Variants in MAPK3 observed in about 807,000 individuals in gnomAD.
MAPK3 encodes mitogen-activated protein kinase 3, also known as MAPK 1.
In MAPK3, 30 loss-of-function variants were observed where a neutral mutation model predicts 41.8. That is an observed-to-expected ratio of 0.72 (90% CI 0.54 to 0.97). The LOEUF (loss-of-function observed/expected upper bound fraction) is 0.97, where lower values mean the gene tolerates loss of function less well. Among genes scored for constraint, MAPK3 ranks in the 50% least tolerant of loss-of-function variants. The pLI, the probability that MAPK3 is intolerant of heterozygous loss-of-function variation, is 0.00. For missense variants in MAPK3, 413 were observed against 509.9 expected (o/e 0.81, Z 1.83); for synonymous variants, 222 against 213.4 (o/e 1.04, Z -0.35).
Position 30,121,926 on chromosome 16 carries a change from C to G in MAPK3, c.251G>C (p.Arg84Pro). 6.2e-7 allele frequency: 1 copy of G among 1,614,124 alleles called. No homozygotes were observed. Among genetic ancestry groups the G allele is most frequent in the Non-Finnish European group, 8.5e-7 (1 of 1,180,014 alleles). Residue 84 changes from arginine to proline, a missense_variant, in exon 2 of 9, where the codon CGC becomes CCC. By Grantham distance (103) the Arg-to-Pro change is moderately radical. This residue lies in a region of MAPK3 where 145 missense variants were observed against 133.0 expected (regional missense o/e 1.09). Coordinates refer to ENST00000263025, the MANE Select transcript of MAPK3 (RefSeq NM_002746.3). ...SPFEHQTYCQ[R>P]TLREIQILLR... is the part of the protein sequence containing the mutation. ...CAGGATCTGGATCTCCCGGAGCGTGCGCTGGCAGTAGGTCTGATGTTCGAA... is the reference window on the plus strand; with the variant it reads ...CAGGATCTGGATCTCCCGGAGCGTGGGCTGGCAGTAGGTCTGATGTTCGAA...
rs1388847305 is a variant in MAPK3, at chr16:30,117,259, C to T, written c.802G>A (p.Asp268Asn). The change falls in exon 6 of 9, where the codon GAC (aspartate) becomes AAC (asparagine). Residue 268 changes from aspartate (D) to asparagine (N), a missense_variant. By Grantham distance (23) the Asp-to-Asn change is conservative (BLOSUM62 1). Coordinates refer to ENST00000263025, the MANE Select transcript of MAPK3 (RefSeq NM_002746.3). The stretch of plus-strand genomic sequence containing the variant: ...TTCATGTTGATGATACAATTCAGGT[C>T]CTCCTGGGATGGGGAGCCCAGGATG... Reference protein sequence around the residue: ...LGILGSPSQEDLNCIINMKAR... With the variant: ...LGILGSPSQENLNCIINMKAR... The T allele has an allele frequency of 3.1e-6, 5 of 1,613,920 alleles. No homozygotes were observed. The highest frequency in any genetic ancestry group is 4.2e-6 in the Non-Finnish European group (5 of 1,180,006).
intron 2 of MAPK3, among the ~76,000 whole-genome samples, chr16:30,119,703 C>G (rs1040234263): frequency 3.9e-5 from 6 of 152,180 alleles, no homozygotes. Context: ...GAGACACTCC[C>G]AACAGCACAC....
In MAPK3 at chr16:30,117,795, G is replaced by T; in HGVS notation, c.661-11C>A. 1.9e-6 allele frequency: 3 copies of T among 1,601,116 alleles called. No individual in the cohort carries two copies. Among genetic ancestry groups the T allele is most frequent in the Non-Finnish European group, 2.6e-6 (3 of 1,168,424 alleles). ...GGACTTGGTATAGCCCTGGGGGAGAGGAGGAAGTGGTGAGCTCCTGGGCCA... is the reference window on the plus strand; with the variant it reads ...GGACTTGGTATAGCCCTGGGGGAGATGAGGAAGTGGTGAGCTCCTGGGCCA... On this transcript the variant is annotated splice_polypyrimidine_tract_variant and intron_variant, in intron 4 of 8. Coordinates refer to ENST00000263025, the MANE Select transcript of MAPK3 (RefSeq NM_002746.3).
chr16:30,120,847 A>G (rs938342411), intron 2 of MAPK3, among the ~76,000 whole-genome samples: 3 of 151,000 alleles, frequency 2.0e-5, no homozygotes, highest in Non-Finnish European at 1.5e-5. Flanking sequence ...CCAAACCTGG[A>G]TAATTTTTAA....
At chr16:30,117,583 G>A (rs764301408) in intron 5 of MAPK3, 87 bp downstream of exon 5, 22 of 1,007,674 alleles carry the variant, frequency 2.2e-5, no homozygotes, top group South Asian at 6.6e-5. Context: ...CACCCCACAC[G>A]TGGTGGTATC....
At position 30,123,170 on chromosome 16, in the gene MAPK3, G is replaced by A; in HGVS notation, c.40C>T (p.Pro14Ser). ...GGGCCGACCCCCTCGGTTCTACGGG[G>A]CTCCCCGCCCCCGCCCCCCTGAGCC... ...AAAQGGGGGEPRRTEGVGPGV... is the reference protein window; with the variant it reads ...AAAQGGGGGESRRTEGVGPGV... The change falls in exon 1 of 9, where the codon CCC becomes TCC. Residue 14 changes from proline to serine, a missense_variant. By Grantham distance (74) the Pro-to-Ser change is moderately conservative (BLOSUM62 -1). Around this residue, in one of 4 missense-constraint regions of MAPK3, gnomAD observed 145 missense variants for 133.0 expected, o/e 1.09. Transcript: ENST00000263025. 2 of 1,411,186 alleles carry A rather than the reference G, an allele frequency of 1.4e-6. No individual in the cohort carries two copies. The highest frequency in any genetic ancestry group is 1.9e-6 in the Non-Finnish European group (2 of 1,058,464). The allele number at this position is 1,411,186 out of a possible 1,614,324, so 87.4% of individuals were successfully genotyped here. A position where few individuals can be genotyped will look rare whatever the true frequency, so the allele number is the denominator to read the frequency against.
At position 30,117,722 on chromosome 16, in the gene MAPK3, G is replaced by A. The variant is rs996840132; in HGVS notation, c.723C>T (p.Asn241=). The part of the protein sequence containing the change: ...VGCILAEMLS[N]RPIFPGKHYL... ...AGTGCTTGCCAGGGAAGATGGGCCGGTTAGAGAGCATCTCAGCCAGAATGC... is the reference window on the plus strand; with the variant it reads ...AGTGCTTGCCAGGGAAGATGGGCCGATTAGAGAGCATCTCAGCCAGAATGC... The change falls in exon 5 of 9, where the codon AAC becomes AAT. Residue 241 remains asparagine (N), a synonymous_variant. Coordinates refer to ENST00000263025, the MANE Select transcript of MAPK3 (RefSeq NM_002746.3). 1.9e-6 allele frequency: 3 copies of A among 1,614,022 alleles called. No individual in the cohort carries two copies. The highest frequency in any genetic ancestry group is 2.5e-6 in the Non-Finnish European group (3 of 1,180,002).
At position 30,116,912 on chromosome 16, in the gene MAPK3, G is replaced by A. The variant is rs935541816; in HGVS notation, c.999C>T (p.Tyr333=). The A allele has an allele frequency of 5.6e-6, 9 of 1,613,892 alleles. No individual in the cohort carries two copies. Among genetic ancestry groups the A allele is most frequent in the Non-Finnish European group, 7.6e-6 (9 of 1,179,968 alleles). The change falls in exon 7 of 9, where the codon TAC becomes TAT. Residue 333 remains tyrosine, a synonymous_variant. Transcript: ENST00000263025. ...EALAHPYLEQ[Y]YDPTDEPVAE... ...GGCCCACCTCATCCGTCGGGTCATA[G>A]TACTGCTCCAGGTAGGGGTGAGCCA...
Position 30,121,753 on chromosome 16 carries a change from A to G in MAPK3, c.353+71T>C, listed in dbSNP as rs902936537. On this transcript the variant is annotated intron_variant, in intron 2 of 8. Coordinates refer to ENST00000263025, the MANE Select transcript of MAPK3 (RefSeq NM_002746.3). ...GGTGGTGGGTAAGATGGAAACAGAA[A>G]CCAAGCAACGGGTCCCCAGCCCAGC... The G allele has an allele frequency of 3.3e-6, 5 of 1,494,626 alleles. No individual in the cohort carries two copies. In the South Asian group the frequency reaches 5.0e-5, roughly 15 times the overall value. 92.6% of individuals were successfully genotyped at this position (1,494,626 alleles called of 1,614,324 possible). A position where few individuals can be genotyped will look rare whatever the true frequency, so the allele number is the denominator to read the frequency against.
chr16:30,122,585 C>G (rs1314128728), intron 1 of MAPK3: 1 of 173,936 alleles, frequency 5.7e-6, no homozygotes, highest in Non-Finnish European at 1.3e-5. Flanking sequence ...GTGGTGGGGC[C>G]AAAGCCCTGC....
Position 30,118,029 on chromosome 16 carries a change from G to A in MAPK3, c.660+18C>T. ...GGGAACTGGTCCGTTCCTTTCAGGA[G>A]TGGGCAGCCCCTCCTACCTTGGAGT... is the stretch of plus-strand genomic sequence containing the variant. On this transcript the variant is annotated intron_variant, in intron 4 of 8. Transcript: ENST00000263025. The A allele has an allele frequency of 6.2e-7, 1 of 1,606,986 alleles. No homozygotes were observed.
chr16:30,122,499 CG>C, intron 1 of MAPK3: 1 of 190,572 alleles, frequency 5.2e-6, no homozygotes, highest in South Asian at 8.7e-5. Flanking sequence ...ACGGTGGGGC[CG>C]GGGGCACTCA....
At chr16:30,116,854 C>T in intron 7 of MAPK3, 40 bp downstream of exon 7, 1 of 1,613,406 alleles carries the variant, frequency 6.2e-7, no homozygotes, top group Non-Finnish European at 8.5e-7. Context: ...CCCCCCTGCT[C>T]CCCTGCCCCC....
At chr16:30,114,766 G>A (rs2072938516) in intron 8 of MAPK3, 58 bp from the exon 9 acceptor site, 1 of 152,300 alleles carries the variant, frequency 6.6e-6, no homozygotes, top group African/African-American at 2.4e-5. Context: ...AGACCCACTG[G>A]AGCCCTGACC....
In MAPK3 at chr16:30,123,182, C is replaced by G; in HGVS notation, c.28G>C (p.Gly10Arg). The change falls in exon 1 of 9, where the codon GGG becomes CGG. Residue 10 changes from glycine (G) to arginine (R), a missense_variant. Transcript: ENST00000263025. Reference sequence around the variant, plus strand: ...TCGGTTCTACGGGGCTCCCCGCCCCCGCCCCCCTGAGCCGCCGCCGCCGCC... The same window carrying G: ...TCGGTTCTACGGGGCTCCCCGCCCCGGCCCCCCTGAGCCGCCGCCGCCGCC... MAAAAAQGGGGGEPRRTEGV... is the reference protein window; with the variant it reads MAAAAAQGGRGGEPRRTEGV... 1 of 1,339,336 alleles carries G rather than the reference C, an allele frequency of 7.5e-7. No individual in the cohort carries two copies. The highest frequency in any genetic ancestry group is 9.9e-7 in the Non-Finnish European group (1 of 1,006,146). The allele number at this position is 1,339,336 out of a possible 1,614,324, so 83.0% of individuals were successfully genotyped here.
chr16:30,115,073 C>CAA (rs35952168), intron 8 of MAPK3, among the ~76,000 whole-genome samples: 53 of 65,502 alleles, frequency 8.1e-4, no homozygotes, highest in African/African-American at 1.7e-3. Context: ...CCCAGCTCCA[C>CAA]AAAAAAAAAA....
rs146660547 is a variant in MAPK3 at position 30,121,976 on chromosome 16, G to T, written c.201C>A (p.Arg67=). ...SSAYDHVRKT[R]VAIKKISPFE... ...AGGGGCTGATCTTCTTGATGGCCAC[G>T]CGAGTCTTGCGCACGTGGTCATAGG... Residue 67 remains arginine (R), a synonymous_variant, in exon 2 of 9, where the codon CGC becomes CGA. Coordinates refer to ENST00000263025, the MANE Select transcript of MAPK3 (RefSeq NM_002746.3). 3 of 1,614,144 alleles carry T rather than the reference G, an allele frequency of 1.9e-6. No homozygotes were observed. The highest frequency in any genetic ancestry group is 3.3e-5 in the Admixed American group (2 of 60,006).
Position 30,121,873 on chromosome 16 carries a change from C to G in MAPK3, c.304G>C (p.Gly102Arg), listed in dbSNP as rs1291454132. The change falls in exon 2 of 9, where the codon GGC (glycine) becomes CGC (arginine). Residue 102 changes from glycine to arginine, a missense_variant. Gly to Arg is a moderately radical substitution (Grantham distance 125). Transcript: ENST00000263025. ...LLRFRHENVIGIRDILRASTL... is the reference protein window; with the variant it reads ...LLRFRHENVIRIRDILRASTL... ...GACGCCCGCAGAATGTCTCGGATGC[C>G]GATGACATTCTCATGGCGGAAGCGC... 3 of 1,614,018 alleles carry G rather than the reference C, an allele frequency of 1.9e-6. No individual in the cohort carries two copies. Among genetic ancestry groups the G allele is most frequent in the Non-Finnish European group, 2.5e-6 (3 of 1,180,030 alleles).
At chr16:30,122,029 G>A (rs1225179837) in intron 1 of MAPK3, 23 bp from the exon 2 acceptor site, 5 of 1,612,912 alleles carry the variant, frequency 3.1e-6, no homozygotes, top group Non-Finnish European at 4.2e-6. Flanking sequence ...GAGAGAGGCT[G>A]CTGCTGTGGC....
Sources: allele counts gnomAD v4.1 joint callset (sites outside exome capture counted in the v4.1 genomes callset), GRCh38; gene constraint gnomAD v4.1.1; regional missense constraint gnomAD v4.1.1; transcripts MANE v1.5; gene names NCBI Gene and HGNC (gene_info 2026-07-23, HGNC 2026-07-21).